The following FMN2 variants were observed in gnomAD, a reference collection of about 807,000 sequenced individuals.
The protein encoded by FMN2 is formin-2.
In FMN2, 51 loss-of-function variants were observed where a neutral mutation model predicts 142.3. The observed-to-expected ratio is 0.36, with a 90% CI of 0.29 to 0.45. The LOEUF is 0.45. FMN2 is among the 20% of genes least tolerant of loss of function. The pLI, the probability that FMN2 is intolerant of heterozygous loss-of-function variation, is 1.00. For missense variants in FMN2, 1,936 were observed against 2,122.8 expected (o/e 0.91, Z 1.73); for synonymous variants, 882 against 869.8 (o/e 1.01, Z -0.25).
rs947536882 is a variant in FMN2 at position 240,142,746 on chromosome 1, G to T, written c.1782+19401G>T. On this transcript the variant is annotated intron_variant, in intron 2 of 17. Transcript: ENST00000319653. ...GGTAACAGGAAGAAACTCCTCAGTG[G>T]CCAATTCTGCCCGTTCCCCGTGGGC... is the stretch of plus-strand genomic sequence containing the variant. 3 of 1,607,092 alleles carry T rather than the reference G, an allele frequency of 1.9e-6. No homozygotes were observed. In the African/African-American group the frequency reaches 4.0e-5, roughly 22 times the overall value.
intron 6 of FMN2, among the ~76,000 whole-genome samples, chr1:240,252,114 G>T (rs778293831): frequency 1.3e-5 from 2 of 151,934 alleles, no homozygotes; most frequent in African/African-American, 4.8e-5. Context: ...TCACCATTTC[G>T]GCCAGGTTGG....
intron 16 of FMN2, among the ~76,000 whole-genome samples, chr1:240,441,704 C>A (rs554863943): frequency 1.3e-5 from 2 of 149,706 alleles, no homozygotes; most frequent in East Asian, 3.9e-4. Flanking sequence ...CTGGTATGGT[C>A]CTCATATGGG....
intron 7 of FMN2, among the ~76,000 whole-genome samples, chr1:240,273,382 G>A (rs138551310): frequency 2.4e-3 from 365 of 152,302 alleles, no homozygotes; most frequent in African/African-American, 8.6e-3. Flanking sequence ...TTAATTAGCA[G>A]GTGGTGGGGC....
At chr1:240,362,900 G>T (rs72767921) in intron 14 of FMN2, among the ~76,000 whole-genome samples, 18 of 152,010 alleles carry the variant, frequency 1.2e-4, no homozygotes, top group African/African-American at 4.3e-4. Context: ...ACTTCTACCC[G>T]CCTCCCCGCT....
At chr1:240,260,597 ATTGT>A (rs1307107180) in intron 7 of FMN2, among the ~76,000 whole-genome samples, 2 of 151,732 alleles carry the variant, frequency 1.3e-5, no homozygotes, top group Non-Finnish European at 2.9e-5. Context: ...TTTTGATGGA[ATTGT>A]TTGTTTTCTT....
chr1:240,301,475 C>T, intron 8 of FMN2, among the ~76,000 whole-genome samples: 1 of 151,866 alleles, frequency 6.6e-6, no homozygotes, highest in Non-Finnish European at 1.5e-5. Context: ...GACCAAGTTT[C>T]CCTCCAGTAT....
At chr1:240,239,560 G>A (rs1667821411) in intron 6 of FMN2, among the ~76,000 whole-genome samples, 1 of 152,196 alleles carries the variant, frequency 6.6e-6, no homozygotes, top group Admixed American at 6.5e-5. Context: ...AATAAAGATT[G>A]TAGACTTTCA....
chr1:240,142,559 A>G, intron 2 of FMN2: 1 of 1,090,076 alleles, frequency 9.2e-7, no homozygotes, highest in Non-Finnish European at 1.3e-6. Context: ...GTAACAAAAG[A>G]GCAGGAGGCA....
At chr1:240,116,756 TA>T (rs111321263) in intron 1 of FMN2, among the ~76,000 whole-genome samples, 320 of 145,596 alleles carry the variant, frequency 2.2e-3, no homozygotes, top group African/African-American at 5.7e-3. Flanking sequence ...ACCTTATCTT[TA>T]AAAAAAAAAA....
intron 7 of FMN2, among the ~76,000 whole-genome samples, chr1:240,262,484 C>T (rs1668663653): frequency 6.6e-6 from 1 of 152,124 alleles, no homozygotes; most frequent in Non-Finnish European, 1.5e-5. Context: ...GAGTATCCTA[C>T]AGCTTCATAG....
chr1:240,348,027 G>A (rs533964835), intron 13 of FMN2, among the ~76,000 whole-genome samples: 203 of 152,160 alleles, frequency 1.3e-3, no homozygotes, highest in Admixed American at 2.7e-3. Flanking sequence ...GTGTTCTTTT[G>A]GTAGAACAAT....
At chr1:240,380,454 G>A (rs1673186433) in intron 14 of FMN2, among the ~76,000 whole-genome samples, 1 of 152,050 alleles carries the variant, frequency 6.6e-6, no homozygotes, top group Non-Finnish European at 1.5e-5. Flanking sequence ...AGATACAACT[G>A]CTACTGGGTA....
chr1:240,335,199 A>G (rs1671517452), intron 13 of FMN2, among the ~76,000 whole-genome samples: 1 of 152,172 alleles, frequency 6.6e-6, no homozygotes, highest in Non-Finnish European at 1.5e-5. Flanking sequence ...TTCATGGCAG[A>G]CAGTTGCTAG....
intron 6 of FMN2, among the ~76,000 whole-genome samples, chr1:240,229,333 TCCC>T (rs1453933899): frequency 6.6e-6 from 1 of 151,990 alleles, no homozygotes; most frequent in Non-Finnish European, 1.5e-5. Flanking sequence ...CCACCATTCT[TCCC>T]CCTCTTCCTC....
intron 15 of FMN2, among the ~76,000 whole-genome samples, chr1:240,403,940 G>A (rs1337526350): frequency 6.6e-6 from 1 of 152,154 alleles, no homozygotes; most frequent in Non-Finnish European, 1.5e-5. Flanking sequence ...TGTAATGGAA[G>A]AACGCATATT....
intron 7 of FMN2, among the ~76,000 whole-genome samples, chr1:240,290,368 A>G (rs550726222): frequency 5.6e-4 from 86 of 152,310 alleles, no homozygotes; most frequent in African/African-American, 1.9e-3. Flanking sequence ...GGAGGAGTTC[A>G]TGATGAGAAT....
intron 1 of FMN2, among the ~76,000 whole-genome samples, chr1:240,103,894 T>TG (rs1661498924): frequency 6.6e-6 from 1 of 151,950 alleles, no homozygotes; most frequent in African/African-American, 2.4e-5. Context: ...TTATTTTTTT[T>TG]TGTGACGGAG....
intron 6 of FMN2, among the ~76,000 whole-genome samples, chr1:240,218,281 CAAAAAAAA>C (rs60722656): frequency 1.1e-5 from 1 of 92,954 alleles, no homozygotes; most frequent in Non-Finnish European, 2.1e-5. Flanking sequence ...GACTCTGTCT[CAAAAAAAA>C]AAAAAAAAAA....
In FMN2 at chr1:240,355,950, G is replaced by GTAAAAAAAAA. The variant is rs1558449489; in HGVS notation, c.4858+42_4858+43insTAAAAAAAAA. 5.8e-5 allele frequency: 5 copies of GTAAAAAAAAA among 85,582 alleles called. No homozygotes were observed. In the African/African-American group the frequency reaches 9.0e-4, roughly 15 times the overall value. The allele number at this position is 85,582 out of a possible 1,614,324, so 5.3% of individuals were successfully genotyped here. ...TGTGTTATGTTTTTCTCCCCTTTCA[G>GTAAAAAAAAA]CAAAAAAAAAAAAAAAAAAAAAAAA... On this transcript the variant is annotated intron_variant, in intron 14 of 17. Transcript: ENST00000319653.
Sources: allele counts gnomAD v4.1 joint callset (sites outside exome capture counted in the v4.1 genomes callset), GRCh38; gene constraint gnomAD v4.1.1; transcripts MANE v1.5; gene names NCBI Gene and HGNC (gene_info 2026-07-23, HGNC 2026-07-21).